Variants in MYO6 observed in about 807,000 individuals in gnomAD.
The protein encoded by MYO6 is unconventional myosin-VI.
In MYO6, 74 loss-of-function variants were observed where a neutral mutation model predicts 178.7. That is an observed-to-expected ratio of 0.41 (90% confidence interval 0.34 to 0.50). The LOEUF (loss-of-function observed/expected upper bound fraction) is 0.50. Among genes scored for constraint, MYO6 ranks in the 20% least tolerant of loss-of-function variants. The probability of loss-of-function intolerance (pLI) is 0.09; values close to 1 mark genes in which losing one functional copy is unlikely to be tolerated. For synonymous variants in MYO6, 477 were observed against 504.6 expected (o/e 0.95, Z 0.73); for missense variants, 1,330 against 1,547.4 (o/e 0.86, Z 2.36).
intron 1 of MYO6, among the ~76,000 whole-genome samples, chr6:75,780,272 C>T (rs1248073664): frequency 1.3e-5 from 2 of 152,112 alleles, no homozygotes; most frequent in Non-Finnish European, 2.9e-5. Context: ...AAAACCCTGT[C>T]TCTACTAAAA....
chr6:75,834,482 T>G (rs988372143), intron 6 of MYO6, among the ~76,000 whole-genome samples: 4 of 152,120 alleles, frequency 2.6e-5, no homozygotes, highest in Admixed American at 2.6e-4. Context: ...ATGCTCCCAC[T>G]TTGACCTCCT....
intron 1 of MYO6, among the ~76,000 whole-genome samples, chr6:75,797,091 TTTA>T (rs1768926803): frequency 2.6e-5 from 4 of 152,072 alleles, no homozygotes; most frequent in African/African-American, 9.7e-5. Flanking sequence ...TATTTATTTA[TTTA>T]ATTTTATTTT....
intron 3 of MYO6, among the ~76,000 whole-genome samples, chr6:75,823,304 CA>C (rs982357233): frequency 6.6e-6 from 1 of 152,024 alleles, no homozygotes; most frequent in Non-Finnish European, 1.5e-5. Context: ...AATTTCAGAA[CA>C]ATTATATTAA....
At chr6:75,868,836 AC>A (rs1295686007) in intron 18 of MYO6, among the ~76,000 whole-genome samples, 16 of 152,170 alleles carry the variant, frequency 1.1e-4, no homozygotes, top group Admixed American at 6.5e-4. Flanking sequence ...TGAAACATAA[AC>A]CCTTTACTGT....
At chr6:75,886,159 A>G in intron 24 of MYO6, 65 bp downstream of exon 24, 1 of 1,136,786 alleles carries the variant, frequency 8.8e-7, no homozygotes, top group Non-Finnish European at 1.3e-6. Context: ...AAATGACAAT[A>G]AAGTCATAAT....
intron 1 of MYO6, among the ~76,000 whole-genome samples, chr6:75,814,342 T>C (rs1248317397): frequency 6.6e-6 from 1 of 152,148 alleles, no homozygotes; most frequent in African/African-American, 2.4e-5. Flanking sequence ...TGCCTCTTTC[T>C]TTGATGTGAT....
At chr6:75,793,209 C>T (rs189467026) in intron 1 of MYO6, among the ~76,000 whole-genome samples, 55 of 152,232 alleles carry the variant, frequency 3.6e-4, no homozygotes, top group Admixed American at 2.7e-3. Flanking sequence ...TCAGTGACAA[C>T]ATAATCCACT....
Position 75,915,003 on chromosome 6 carries a change from G to T in MYO6, c.3849G>T (p.Leu1283=). The part of the protein sequence containing the change: ...PTYATAMLQS[L]LK ...ATGCAACAGCCATGCTGCAGAGTCT[G>T]TTAAAGTAGATGTTGCACACCAGCC... The change falls in exon 35 of 35, where the codon CTG becomes CTT. Residue 1283 remains leucine (L), a synonymous_variant. Transcript: ENST00000369977. 6.2e-7 allele frequency: 1 copy of T among 1,612,448 alleles called. No individual in the cohort carries two copies. Among genetic ancestry groups the T allele is most frequent in the South Asian group, 1.1e-5 (1 of 90,878 alleles).
chr6:75,881,054 C>G (rs62414800), intron 22 of MYO6, among the ~76,000 whole-genome samples: 10 of 151,968 alleles, frequency 6.6e-5, no homozygotes, highest in African/African-American at 2.4e-4. Context: ...GAGTTTGAGA[C>G]CAGCTTGGGC....
chr6:75,767,245 C>G (rs775042269), intron 1 of MYO6, among the ~76,000 whole-genome samples: 16 of 152,110 alleles, frequency 1.1e-4, no homozygotes, highest in Non-Finnish European at 4.4e-5. Context: ...AGGCTGGTCT[C>G]GAACTCCTGG....
intron 7 of MYO6, among the ~76,000 whole-genome samples, 188 bp from the exon 8 acceptor site, chr6:75,840,397 G>A (rs905023713): frequency 2.6e-5 from 4 of 151,972 alleles, no homozygotes; most frequent in African/African-American, 7.2e-5. Context: ...TCCTGACCTC[G>A]TGATCCACCT....
intron 7 of MYO6, among the ~76,000 whole-genome samples, chr6:75,840,220 G>A (rs1454012865): frequency 6.9e-6 from 1 of 144,740 alleles, no homozygotes; most frequent in Non-Finnish European, 1.5e-5. Context: ...GGAGTGTAAT[G>A]GTGCGACCTC....
chr6:75,899,981 T>C (rs10806050), intron 30 of MYO6, among the ~76,000 whole-genome samples: 57,163 of 147,178 alleles, frequency 0.39, 12,007 homozygotes, highest in Middle Eastern at 0.53. Context: ...TGAGAATATG[T>C]GGTGTTTGGT....
intron 1 of MYO6, among the ~76,000 whole-genome samples, chr6:75,789,964 C>T (rs1456734807): frequency 1.3e-5 from 2 of 152,018 alleles, no homozygotes; most frequent in Non-Finnish European, 2.9e-5. Context: ...TTTTAGATTC[C>T]GTGTATGAGT....
chr6:75,911,247 T>C lies in MYO6; in HGVS notation c.3413-425T>C, dbSNP rs149899997. ...AGAGTTTAAAAAAAGCAAAACATACTGTTACCAAAACGTAGTAACGTTTTT... is the reference window on the plus strand; with the variant it reads ...AGAGTTTAAAAAAAGCAAAACATACCGTTACCAAAACGTAGTAACGTTTTT... On this transcript the variant is annotated intron_variant, in intron 32 of 34. Transcript: ENST00000369977. Among the ~76,000 whole-genome samples, 669 of 152,152 alleles carry C rather than the reference T, an allele frequency of 4.4e-3. 7 individuals carry two copies. The highest frequency in any genetic ancestry group is 0.015 in the African/African-American group (639 of 41,554).
intron 1 of MYO6, among the ~76,000 whole-genome samples, chr6:75,780,499 A>G (rs186888610): frequency 2.6e-5 from 4 of 152,182 alleles, no homozygotes; most frequent in African/African-American, 4.8e-5. Flanking sequence ...CTTGATATTA[A>G]TTTTTTTGTT....
chr6:75,765,141 A>T (rs942756886), intron 1 of MYO6, among the ~76,000 whole-genome samples: 1 of 148,146 alleles, frequency 6.8e-6, no homozygotes, highest in Admixed American at 6.8e-5. Context: ...AGGTAATTTC[A>T]CATATAAGGC....
chr6:75,899,378 C>T (rs1324152538), intron 30 of MYO6, among the ~76,000 whole-genome samples: 1 of 152,008 alleles, frequency 6.6e-6, no homozygotes, highest in Non-Finnish European at 1.5e-5. Flanking sequence ...AAAAACAAAA[C>T]TTAATAATTT....
chr6:75,753,448 T>C (rs1777063636), intron 1 of MYO6, among the ~76,000 whole-genome samples: 1 of 128,652 alleles, frequency 7.8e-6, no homozygotes, highest in South Asian at 2.5e-4. Flanking sequence ...TATATGTGTG[T>C]GTGTGTGTAT....
Sources: allele counts gnomAD v4.1 joint callset (sites outside exome capture counted in the v4.1 genomes callset), GRCh38; gene constraint gnomAD v4.1.1; transcripts MANE v1.5; gene names NCBI Gene and HGNC (gene_info 2026-07-23, HGNC 2026-07-21).